The following AXL variants were observed in gnomAD, a reference collection of about 807,000 sequenced individuals.
AXL encodes the protein tyrosine-protein kinase receptor UFO.
Under a neutral mutation model 104.5 loss-of-function variants are expected in AXL, and 52 were observed. That is an observed-to-expected ratio of 0.50 (90% confidence interval 0.40 to 0.63). AXL has a LOEUF of 0.63. AXL is among the 20% of genes least tolerant of loss of function. AXL has a pLI of 0.00. For missense variants in AXL, 1,024 were observed against 1,188.5 expected (o/e 0.86, Z 2.04); for synonymous variants, 455 against 473.7 (o/e 0.96, Z 0.51).
chr19:41,219,694 G>C (rs1016355333), intron 1 of AXL, among the ~76,000 whole-genome samples: 5 of 151,172 alleles, frequency 3.3e-5, no homozygotes, highest in Admixed American at 2.0e-4. Flanking sequence ...AAGGGCAGGG[G>C]GGACAGAAGA....
At position 41,260,052 on chromosome 19, in the gene AXL, C is replaced by A; in HGVS notation, c.*148C>A. ...TATCCCACCTCCATCCCAGACAGGT[C>A]CCTCCCCTTCTCTGTGCAGTAGCAT... is the stretch of plus-strand genomic sequence containing the variant. On this transcript the variant is annotated 3_prime_UTR_variant, in exon 20 of 20. Transcript: ENST00000301178. 1.5e-6 allele frequency: 1 copy of A among 670,290 alleles called. No homozygotes were observed. Among genetic ancestry groups the A allele is most frequent in the South Asian group, 2.0e-5 (1 of 49,566 alleles). The allele number at this position is 670,290 out of a possible 1,614,324, so 41.5% of individuals were successfully genotyped here.
rs758428353 is a variant in AXL at position 41,256,493 on chromosome 19, T to C, written c.2078T>C (p.Leu693Pro). 5 of 1,613,870 alleles carry C rather than the reference T, an allele frequency of 3.1e-6. No individual in the cohort carries two copies. The highest frequency in any genetic ancestry group is 4.2e-6 in the Non-Finnish European group (5 of 1,179,916). Reference protein sequence around the residue: ...NMSVCVADFGLSKKIYNGDYY... With the variant: ...NMSVCVADFGPSKKIYNGDYY... ...TCCGTGTGTGTGGCGGACTTCGGGC[T>C]CTCCAAGAAGATCTACAATGGGGAC... The change falls in exon 18 of 20, where the codon CTC becomes CCC. Residue 693 changes from leucine (L) to proline (P), a missense_variant. By Grantham distance (98) the Leu-to-Pro change is moderately conservative. Around this residue, in one of 5 missense-constraint regions of AXL, gnomAD observed 523 missense variants for 636.0 expected, o/e 0.82. Coordinates refer to ENST00000301178, the MANE Select transcript of AXL (RefSeq NM_021913.5).
chr19:41,257,964 T>C (rs1486406097), intron 19 of AXL, among the ~76,000 whole-genome samples: 1 of 152,226 alleles, frequency 6.6e-6, no homozygotes, highest in Non-Finnish European at 1.5e-5. Context: ...GACTTCTCAT[T>C]CCAGACTCCT....
intron 9 of AXL, 125 bp from the exon 10 acceptor site, chr19:41,239,569 C>A (rs1216901820): frequency 1.5e-6 from 2 of 1,339,758 alleles, no homozygotes; most frequent in African/African-American, 2.9e-5. Flanking sequence ...CGTGCCAAAC[C>A]TTCACTCCCT....
At position 41,234,015 on chromosome 19, in the gene AXL, C is replaced by T. The variant is rs115515678; in HGVS notation, c.783+2717C>T. On this transcript the variant is annotated intron_variant, in intron 6 of 19. Transcript: ENST00000301178. ...GAGACCAACTGTCTGTACCCATCTC[C>T]TCTCTGTCCTGGTAGAGGTTCCTCT... is the stretch of plus-strand genomic sequence containing the variant. Among the ~76,000 whole-genome samples, 588 of 152,194 alleles carry T rather than the reference C, an allele frequency of 3.9e-3. 3 individuals are homozygous for T. The highest frequency in any genetic ancestry group is 0.013 in the African/African-American group (560 of 41,542).
At chr19:41,248,383 C>T (rs1023747086) in intron 12 of AXL, 131 bp from the exon 13 acceptor site, 16 of 866,836 alleles carry the variant, frequency 1.8e-5, no homozygotes, top group Non-Finnish European at 2.8e-5. Context: ...GTGCTCAGGG[C>T]AGTTGCTAAT....
rs1401606461 is a variant in AXL at position 41,219,303 on chromosome 19, G to T, written c.-90G>T. The stretch of plus-strand genomic sequence containing the variant: ...AGGCAGGCAGTGCCAAATCCGGGGA[G>T]CCTGGAGCTGGGGGGAGGGCCGGGG... On this transcript the variant is annotated 5_prime_UTR_variant, in exon 1 of 20. Coordinates refer to ENST00000301178, the MANE Select transcript of AXL (RefSeq NM_021913.5). 4 of 1,300,432 alleles carry T rather than the reference G, an allele frequency of 3.1e-6. No homozygotes were observed. The highest frequency in any genetic ancestry group is 4.2e-6 in the Non-Finnish European group (4 of 952,724). The allele number at this position is 1,300,432 out of a possible 1,614,324, so 80.6% of individuals were successfully genotyped here. A position where few individuals can be genotyped will look rare whatever the true frequency, so the allele number is the denominator to read the frequency against.
At chr19:41,226,816 G>A (rs1219328270) in intron 4 of AXL, 3 of 984,948 alleles carry the variant, frequency 3.0e-6, no homozygotes, top group South Asian at 4.7e-5. Context: ...TCCCAGGGCC[G>A]GGCACCGAGT....
chr19:41,261,292 A>G lies in AXL; in HGVS notation c.*1388A>G, dbSNP rs752407980. On this transcript the variant is annotated 3_prime_UTR_variant, in exon 20 of 20. Coordinates refer to ENST00000301178, the MANE Select transcript of AXL (RefSeq NM_021913.5). ...AAGACTCTCACACTCAGTTGTGACT[A>G]ACTAGACACCAAAGTTCTAATAATT... 1 of 152,646 alleles carries G rather than the reference A, an allele frequency of 6.6e-6. No individual in the cohort carries two copies. The highest frequency in any genetic ancestry group is 6.5e-5 in the Admixed American group (1 of 15,288). The allele number at this position is 152,646 out of a possible 1,614,324, so 9.5% of individuals were successfully genotyped here.
chr19:41,257,520 A>C lies in AXL; in HGVS notation c.2224A>C (p.Ile742Leu). 1 of 1,614,052 alleles carries C rather than the reference A, an allele frequency of 6.2e-7. No homozygotes were observed. Among genetic ancestry groups the C allele is most frequent in the African/African-American group, 1.3e-5 (1 of 74,998 alleles). The change falls in exon 19 of 20, where the codon ATT becomes CTT. Residue 742 changes from isoleucine (I) to leucine (L), a missense_variant. Around this residue, in one of 5 missense-constraint regions of AXL, gnomAD observed 523 missense variants for 636.0 expected, o/e 0.82. Coordinates refer to ENST00000301178, the MANE Select transcript of AXL (RefSeq NM_021913.5). Reference sequence around the variant, plus strand: ...GTCCTTCGGGGTGACAATGTGGGAGATTGCCACAAGAGGCCAAACCCCATA... The same window carrying C: ...GTCCTTCGGGGTGACAATGTGGGAGCTTGCCACAAGAGGCCAAACCCCATA... ...VWSFGVTMWE[I>L]ATRGQTPYPG...
chr19:41,239,535 G>A lies in AXL; in HGVS notation c.1286-159G>A, dbSNP rs77333013. Among the ~76,000 whole-genome samples, 15,422 of 150,732 alleles carry A rather than the reference G, an allele frequency of 0.1. 1,977 individuals carry two copies. The highest frequency in any genetic ancestry group is 0.3 in the African/African-American group (12,285 of 40,810). ...GTGCCACACCCTCACTCCCTTACCC[G>A]TGCCACACCCTCACTCCCTTACCCG... is the stretch of plus-strand genomic sequence containing the variant. On this transcript the variant is annotated intron_variant, in intron 9 of 19. Transcript: ENST00000301178.
chr19:41,249,212 G>A (rs955030541), intron 14 of AXL, among the ~76,000 whole-genome samples: 7 of 152,110 alleles, frequency 4.6e-5, no homozygotes, highest in African/African-American at 1.7e-4. Flanking sequence ...GGCCGAGGCA[G>A]CAGATCGCTT....
chr19:41,239,801 A>G, intron 10 of AXL, 81 bp downstream of exon 10: 1 of 1,550,838 alleles, frequency 6.4e-7, no homozygotes, highest in Non-Finnish European at 8.9e-7. Flanking sequence ...TACTCATTGC[A>G]CATCCCTTTC....
chr19:41,248,436 C>A, intron 12 of AXL, 78 bp from the exon 13 acceptor site: 1 of 1,347,534 alleles, frequency 7.4e-7, no homozygotes, highest in Non-Finnish European at 1.1e-6. Context: ...AACAATGGAT[C>A]TATCCCTACT....
chr19:41,220,874 C>T lies in AXL; in HGVS notation c.308+16C>T. The T allele has an allele frequency of 6.2e-7, 1 of 1,610,602 alleles. No individual in the cohort carries two copies. The highest frequency in any genetic ancestry group is 8.5e-7 in the Non-Finnish European group (1 of 1,177,502). On this transcript the variant is annotated intron_variant, in intron 2 of 19. Transcript: ENST00000301178. ...GCCAGCTCAGGTGTGTGGCCACATC[C>T]CCGAATCCCACTCCCACCTCCGTCA... is the stretch of plus-strand genomic sequence containing the variant.
Position 41,219,623 on chromosome 19 carries a change from G to T in AXL, c.85+146G>T. On this transcript the variant is annotated intron_variant, in intron 1 of 19. Transcript: ENST00000301178. Reference sequence around the variant, plus strand: ...CACAGAAAAGGGACTTCAAGGGAGGGAGACACAGACTCAGAGACACCAAGT... The same window carrying T: ...CACAGAAAAGGGACTTCAAGGGAGGTAGACACAGACTCAGAGACACCAAGT... 3.3e-6 allele frequency: 3 copies of T among 905,284 alleles called. No homozygotes were observed. The East Asian group carries it at 8.0e-5, about 24-fold the overall frequency. 56.1% of individuals were successfully genotyped at this position (905,284 alleles called of 1,614,324 possible).
At chr19:41,249,374 G>A (rs2034324080) in intron 14 of AXL, among the ~76,000 whole-genome samples, 1 of 152,178 alleles carries the variant, frequency 6.6e-6, no homozygotes, top group Admixed American at 6.6e-5. Context: ...AGAATCACTT[G>A]AGTCTGTGCG....
intron 4 of AXL, among the ~76,000 whole-genome samples, chr19:41,228,108 G>A (rs1568409664): frequency 6.6e-6 from 1 of 152,172 alleles, no homozygotes; most frequent in Non-Finnish European, 1.5e-5. Flanking sequence ...ACGTTGTATA[G>A]CGGTTTGTGT....
chr19:41,232,720 C>T (rs142729111), intron 6 of AXL, among the ~76,000 whole-genome samples: 63 of 152,048 alleles, frequency 4.1e-4, no homozygotes, highest in African/African-American at 1.4e-3. Flanking sequence ...GTCTGAAGTT[C>T]TCTGAGATTA....
Sources: gnomAD v4.1 joint callset for allele counts (sites outside exome capture counted in the v4.1 genomes callset) on GRCh38, gnomAD v4.1.1 for gene constraint, gnomAD v4.1.1 regional missense constraint, MANE v1.5 for transcripts, NCBI Gene and HGNC (gene_info 2026-07-23, HGNC 2026-07-21) for gene names.